Variants in FARP2 observed in about 807,000 individuals in gnomAD.
FARP2 encodes the protein FERM, ARH/RhoGEF and pleckstrin domain protein 2.
A neutral mutation model predicts 130.5 loss-of-function variants in FARP2; 111 were observed. That is an observed-to-expected ratio of 0.85 (90% CI 0.73 to 1.00). FARP2 has a LOEUF of 1.00. FARP2 is among the 50% of genes least tolerant of loss of function. The pLI is 0.00. For missense variants in FARP2, 1,385 were observed against 1,346.3 expected (o/e 1.03, Z -0.45); for synonymous variants, 504 against 516.9 (o/e 0.98, Z 0.34).
chr2:241,463,770 C>A, intron 16 of FARP2, 129 bp from the exon 17 acceptor site: 1 of 825,214 alleles, frequency 1.2e-6, no homozygotes, highest in Non-Finnish European at 2.0e-6. Context: ...TGCCCTGCGG[C>A]CTCTTCCACC....
intron 19 of FARP2, chr2:241,479,117 T>C: frequency 2.3e-6 from 1 of 443,562 alleles, no homozygotes; most frequent in Non-Finnish European, 4.0e-6. Flanking sequence ...GAGATCTGGG[T>C]GTGAATCCTT....
intron 2 of FARP2, among the ~76,000 whole-genome samples, chr2:241,378,667 C>G (rs558475411): frequency 6.6e-6 from 1 of 152,236 alleles, no homozygotes; most frequent in South Asian, 2.1e-4. Flanking sequence ...GCCTCAGCCT[C>G]CCAAAGTGCT....
rs770188646 is a variant in FARP2, at chr2:241,418,079, A to G, written c.741A>G (p.Ala247=). Residue 247 remains alanine (A), a synonymous_variant, in exon 8 of 27, where the codon GCA becomes GCG. Coordinates refer to ENST00000264042, the MANE Select transcript of FARP2 (RefSeq NM_014808.4). ...GGGAAGGAACCAAGATTCAACTGGC[A>G]GTTTCCCACATGGGTGTACTCGTGT... is the stretch of plus-strand genomic sequence containing the variant. ...SDREGTKIQL[A]VSHMGVLVFQ... 2.8e-5 allele frequency: 45 copies of G among 1,614,196 alleles called. No individual in the cohort carries two copies. Among genetic ancestry groups the G allele is most frequent in the Non-Finnish European group, 3.7e-5 (44 of 1,180,036 alleles).
intron 13 of FARP2, among the ~76,000 whole-genome samples, chr2:241,453,437 ATG>A (rs2063731134): frequency 6.6e-6 from 1 of 151,722 alleles, no homozygotes; most frequent in Non-Finnish European, 1.5e-5. Context: ...CCTGGCTAAC[ATG>A]GTGAAACCCC....
At chr2:241,493,591 T>A in intron 26 of FARP2, 147 bp downstream of exon 26, 1 of 663,310 alleles carries the variant, frequency 1.5e-6, no homozygotes, top group Non-Finnish European at 2.5e-6. Context: ...AAAACAGCAA[T>A]GCTTTGTTTT....
At chr2:241,407,239 TG>T (rs1463139357) in intron 4 of FARP2, among the ~76,000 whole-genome samples, 3 of 152,330 alleles carry the variant, frequency 2.0e-5, no homozygotes, top group East Asian at 1.9e-4. Flanking sequence ...TTTTTTCTTT[TG>T]TTCGGAGACA....
intron 19 of FARP2, 107 bp from the exon 20 acceptor site, chr2:241,483,358 C>T (rs148972236): frequency 0.012 from 10,712 of 918,804 alleles, 328 homozygotes; most frequent in South Asian, 0.068. Flanking sequence ...TGGGAGGAGC[C>T]AGAGGAGCAC....
At chr2:241,399,156 A>G (rs545009419) in intron 2 of FARP2, among the ~76,000 whole-genome samples, 2 of 151,926 alleles carry the variant, frequency 1.3e-5, no homozygotes, top group African/African-American at 4.8e-5. Context: ...ATATTGTCCA[A>G]CTTTTCTTGT....
At chr2:241,358,545 C>T (rs1163979652) in intron 1 of FARP2, among the ~76,000 whole-genome samples, 1 of 152,222 alleles carries the variant, frequency 6.6e-6, no homozygotes, top group Non-Finnish European at 1.5e-5. Context: ...TATATTCGGA[C>T]AGTAACAGAT....
At chr2:241,391,568 A>G (rs183880065) in intron 2 of FARP2, among the ~76,000 whole-genome samples, 1 of 152,078 alleles carries the variant, frequency 6.6e-6, no homozygotes, top group Non-Finnish European at 1.5e-5. Context: ...ACCTTCCCCC[A>G]CTTCTGAGAG....
chr2:241,439,600 A>AT (rs955391516), intron 12 of FARP2, among the ~76,000 whole-genome samples: 1 of 152,108 alleles, frequency 6.6e-6, no homozygotes, highest in Admixed American at 6.6e-5. Context: ...AAGTGCTGGG[A>AT]TTACAGGCGT....
At chr2:241,399,185 A>G (rs1012932758) in intron 2 of FARP2, among the ~76,000 whole-genome samples, 8 of 152,266 alleles carry the variant, frequency 5.3e-5, no homozygotes, top group Middle Eastern at 3.4e-3. Flanking sequence ...GGACATTTGA[A>G]TATCCTCTTT....
chr2:241,440,012 C>T (rs2063340947), intron 12 of FARP2, among the ~76,000 whole-genome samples: 1 of 151,946 alleles, frequency 6.6e-6, no homozygotes, highest in Non-Finnish European at 1.5e-5. Context: ...TCTTCCATTC[C>T]ATTTTAAAAG....
intron 13 of FARP2, among the ~76,000 whole-genome samples, chr2:241,448,178 C>T (rs1383249468): frequency 6.6e-6 from 1 of 152,190 alleles, no homozygotes; most frequent in Non-Finnish European, 1.5e-5. Context: ...GTCCCAGGGG[C>T]CTCACTTACC....
chr2:241,433,815 C>T (rs2063149739), intron 9 of FARP2, among the ~76,000 whole-genome samples: 1 of 152,166 alleles, frequency 6.6e-6, no homozygotes, highest in Non-Finnish European at 1.5e-5. Flanking sequence ...CACTTGGGCT[C>T]AGGAGTTCAA....
At chr2:241,491,749 G>A (rs769076912) in intron 24 of FARP2, 70 bp downstream of exon 24, 208 of 1,431,152 alleles carry the variant, frequency 1.5e-4, no homozygotes, top group Admixed American at 3.0e-4. Flanking sequence ...TGGCTGCTGA[G>A]GAGGGGACCT....
intron 1 of FARP2, among the ~76,000 whole-genome samples, chr2:241,366,125 A>ATATATATACACG (rs747717812): frequency 1.5e-5 from 1 of 67,368 alleles, no homozygotes; most frequent in Non-Finnish European, 2.8e-5. Flanking sequence ...ATATATACGT[A>ATATATATACACG]TATATATATA....
intron 2 of FARP2, among the ~76,000 whole-genome samples, chr2:241,386,395 C>A (rs2061784312): frequency 6.6e-6 from 1 of 152,166 alleles, no homozygotes; most frequent in Admixed American, 6.5e-5. Flanking sequence ...CATTGCTCCC[C>A]GCTCAGCAGT....
intron 10 of FARP2, among the ~76,000 whole-genome samples, chr2:241,434,600 C>T (rs1382930589): frequency 6.6e-6 from 1 of 152,170 alleles, no homozygotes; most frequent in Non-Finnish European, 1.5e-5. Context: ...ACCTGTAATC[C>T]CAGCACTTTG....
Sources: gnomAD v4.1 joint callset for allele counts (sites outside exome capture counted in the v4.1 genomes callset) on GRCh38, gnomAD v4.1.1 for gene constraint, MANE v1.5 for transcripts, NCBI Gene and HGNC (gene_info 2026-07-23, HGNC 2026-07-21) for gene names.